GRIA4: variants seen among roughly 807,000 people sequenced by gnomAD.
GRIA4 encodes the protein glutamate ionotropic receptor AMPA type subunit 4, also known as glutamate receptor 4.
A neutral mutation model predicts 104.0 loss-of-function variants in GRIA4; 34 were observed. The observed-to-expected ratio is 0.33, with a 90% CI of 0.25 to 0.44. The LOEUF is 0.44. GRIA4 is among the 20% of genes least tolerant of loss of function. The pLI is 1.00. For synonymous variants in GRIA4, 386 were observed against 381.9 expected, an observed-to-expected ratio of 1.01 and a Z score of -0.13; for missense variants, 750 against 1,096.5, an observed-to-expected ratio of 0.68 and a Z score of 4.46.
chr11:105,914,860 C>T (rs1298632884), intron 10 of GRIA4, among the ~76,000 whole-genome samples: 1 of 152,122 alleles, frequency 6.6e-6, no homozygotes, highest in Non-Finnish European at 1.5e-5. Flanking sequence ...GGCTGTTTTA[C>T]AAAGATACCC....
intron 15 of GRIA4, among the ~76,000 whole-genome samples, chr11:105,972,806 A>AT (rs1858767622): frequency 6.6e-6 from 1 of 152,204 alleles, no homozygotes; most frequent in Non-Finnish European, 1.5e-5. Context: ...TTGATAGAAT[A>AT]TAGTAACAGC....
chr11:105,788,166 A>C (rs937873301), intron 4 of GRIA4, among the ~76,000 whole-genome samples: 1 of 152,212 alleles, frequency 6.6e-6, no homozygotes, highest in Non-Finnish European at 1.5e-5. Context: ...AATGTTCTAA[A>C]TCAACCCATA....
intron 4 of GRIA4, among the ~76,000 whole-genome samples, chr11:105,832,985 A>C (rs1314619638): frequency 6.6e-6 from 1 of 152,050 alleles, no homozygotes; most frequent in Non-Finnish European, 1.5e-5. Flanking sequence ...TTATCTTTTA[A>C]ATCCCAAATT....
At chr11:105,862,640 TAAAAG>T (rs538816384) in intron 5 of GRIA4, 26 of 166,706 alleles carry the variant, frequency 1.6e-4, no homozygotes, top group East Asian at 7.1e-4. Context: ...AGCAATAAAA[TAAAAG>T]AAAAGTCAGT....
Position 105,708,372 on chromosome 11 carries a change from T to C in GRIA4, c.248-44609T>C, listed in dbSNP as rs1953784724. Among the ~76,000 whole-genome samples, 3 of 152,188 alleles carry C rather than the reference T, an allele frequency of 2.0e-5. No homozygotes were observed. The South Asian group carries it at 6.2e-4, about 32-fold the overall frequency. On this transcript the variant is annotated intron_variant, in intron 3 of 16. Coordinates refer to ENST00000282499, the MANE Select transcript of GRIA4 (RefSeq NM_000829.4). ...GAATGATACTTCTTTCAGTATACTT[T>C]TCTGTAATACACTGCCCTTTATAAC...
intron 14 of GRIA4, among the ~76,000 whole-genome samples, chr11:105,947,303 C>A (rs1948339867): frequency 6.6e-6 from 1 of 152,024 alleles, no homozygotes; most frequent in African/African-American, 2.4e-5. Context: ...ATTATTTATT[C>A]TTAATTTATT....
intron 9 of GRIA4, among the ~76,000 whole-genome samples, chr11:105,909,324 G>GTA (rs1172500748): frequency 2.0e-5 from 3 of 152,138 alleles, no homozygotes; most frequent in East Asian, 3.8e-4. Flanking sequence ...ACAGACCAGT[G>GTA]AGCAAATGCA....
At chr11:105,798,059 T>A in intron 4 of GRIA4, 1 of 317,932 alleles carries the variant, frequency 3.1e-6, no homozygotes, top group South Asian at 2.5e-5. Context: ...AATAACAATA[T>A]GCATATATAT....
At chr11:105,940,678 G>C (rs1292534753) in intron 14 of GRIA4, among the ~76,000 whole-genome samples, 2 of 151,996 alleles carry the variant, frequency 1.3e-5, no homozygotes, top group Non-Finnish European at 2.9e-5. Context: ...GTAAATAATG[G>C]TTTTCTGCAA....
intron 4 of GRIA4, among the ~76,000 whole-genome samples, chr11:105,808,712 C>A (rs1048235342): frequency 1.3e-5 from 2 of 152,032 alleles, no homozygotes; most frequent in Non-Finnish European, 1.5e-5. Context: ...ACATGGCTAA[C>A]CTGTCTCACA....
chr11:105,780,017 C>A (rs116860182), intron 4 of GRIA4, among the ~76,000 whole-genome samples: 1 of 152,234 alleles, frequency 6.6e-6, no homozygotes, highest in East Asian at 1.9e-4. Context: ...AATTGTGGAA[C>A]ATTAAATAGT....
intron 5 of GRIA4, among the ~76,000 whole-genome samples, chr11:105,883,487 T>C (rs1389539934): frequency 6.9e-6 from 1 of 145,460 alleles, no homozygotes; most frequent in Non-Finnish European, 1.5e-5. Context: ...CCAAGTGTTC[T>C]CATTGTTCAA....
intron 8 of GRIA4, 30 bp downstream of exon 8, chr11:105,904,011 C>T: frequency 2.7e-6 from 4 of 1,464,328 alleles, no homozygotes; most frequent in Non-Finnish European, 3.8e-6. Flanking sequence ...AAGTTCAATT[C>T]ATTTCATGGT....
chr11:105,690,990 GT>G, intron 3 of GRIA4, among the ~76,000 whole-genome samples: 1 of 152,076 alleles, frequency 6.6e-6, no homozygotes, highest in South Asian at 2.1e-4. Context: ...GGAAGGGCCA[GT>G]TTTTCTTTGG....
intron 13 of GRIA4, among the ~76,000 whole-genome samples, chr11:105,930,393 C>A (rs1470470740): frequency 6.6e-6 from 1 of 151,888 alleles, no homozygotes; most frequent in Non-Finnish European, 1.5e-5. Context: ...TGTATTTTTT[C>A]ATTTCTAGTG....
chr11:105,814,585 G>A (rs1489734484), intron 4 of GRIA4, among the ~76,000 whole-genome samples: 2 of 152,048 alleles, frequency 1.3e-5, no homozygotes, highest in Non-Finnish European at 2.9e-5. Flanking sequence ...ATCTAAATGA[G>A]AAAACGTATA....
chr11:105,715,757 G>A (rs1209753009), intron 3 of GRIA4, among the ~76,000 whole-genome samples: 6 of 152,126 alleles, frequency 3.9e-5, no homozygotes, highest in African/African-American at 1.4e-4. Context: ...ATGGGGTTGG[G>A]GTTTCTCTCC....
In GRIA4 at chr11:105,760,480, T is replaced by C. The variant is rs559501334; in HGVS notation, c.487+7260T>C. 2.0e-5 allele frequency among the ~76,000 whole-genome samples: 3 copies of C among 152,284 alleles called. No individual in the cohort carries two copies. In the East Asian group the frequency reaches 5.8e-4, roughly 29 times the overall value. ...ATTTTTTTCTTGCAATGTTGTTCCT[T>C]AGTGACCTATAATTTATATTTATCC... On this transcript the variant is annotated intron_variant, in intron 4 of 16. Coordinates refer to ENST00000282499, the MANE Select transcript of GRIA4 (RefSeq NM_000829.4).
At chr11:105,798,099 C>A (rs1367969023) in intron 4 of GRIA4, among the ~76,000 whole-genome samples, 1 of 152,084 alleles carries the variant, frequency 6.6e-6, no homozygotes, top group African/African-American at 2.4e-5. Context: ...AACACACACA[C>A]ATACACACAC....
Sources: allele counts gnomAD v4.1 joint callset (sites outside exome capture counted in the v4.1 genomes callset), GRCh38; gene constraint gnomAD v4.1.1; transcripts MANE v1.5; gene names NCBI Gene and HGNC (gene_info 2026-07-23, HGNC 2026-07-21).